Variants in SGCD observed in about 807,000 individuals in gnomAD.
SGCD encodes the protein sarcoglycan delta, also known as delta-sarcoglycan.
Under a neutral mutation model 36.6 loss-of-function variants are expected in SGCD, and 18 were observed. The ratio of observed to expected loss-of-function variants is 0.49; its 90% CI spans 0.34 to 0.73. The LOEUF is 0.73. Ranked by LOEUF, SGCD falls within the 30% of genes least tolerant of loss-of-function variation. SGCD has a pLI of 0.01. For synonymous variants in SGCD, 133 were observed against 130.6 expected (o/e 1.02, Z -0.12); for missense variants, 387 against 346.7 (o/e 1.12, Z -0.92).
At chr5:156,344,166 G>A (rs1768818803) in intron 2 of SGCD, among the ~76,000 whole-genome samples, 1 of 152,064 alleles carries the variant, frequency 6.6e-6, no homozygotes, top group African/African-American at 2.4e-5. Context: ...AGATCTTTGA[G>A]CATCTCCCCC....
At chr5:156,143,404 C>T (rs1762622200) in intron 3 of SGCD, among the ~76,000 whole-genome samples, 1 of 152,182 alleles carries the variant, frequency 6.6e-6, no homozygotes, top group Non-Finnish European at 1.5e-5. Context: ...TAGAGAGTCC[C>T]CACTGGGGCA....
intron 3 of SGCD, among the ~76,000 whole-genome samples, chr5:156,199,000 G>A (rs915988151): frequency 2.6e-5 from 4 of 151,932 alleles, no homozygotes; most frequent in Non-Finnish European, 4.4e-5. Context: ...CAGCTCAATG[G>A]TATTTGAATA....
At chr5:156,754,308 T>C (rs1437851193) in intron 7 of SGCD, among the ~76,000 whole-genome samples, 1 of 152,220 alleles carries the variant, frequency 6.6e-6, no homozygotes, top group Non-Finnish European at 1.5e-5. Flanking sequence ...TTCACCAAAC[T>C]ATTCTGTTTA....
intron 3 of SGCD, among the ~76,000 whole-genome samples, chr5:156,138,955 T>C (rs1039384979): frequency 2.0e-5 from 3 of 152,260 alleles, no homozygotes; most frequent in Non-Finnish European, 4.4e-5. Context: ...CTTTCAGTTG[T>C]ACTTATTGGC....
chr5:156,105,607 G>GT (rs1364551159), intron 1 of SGCD, among the ~76,000 whole-genome samples: 1 of 152,132 alleles, frequency 6.6e-6, no homozygotes, highest in Non-Finnish European at 1.5e-5. Context: ...ATGTAAATTT[G>GT]TTTTTTCATG....
intron 1 of SGCD, among the ~76,000 whole-genome samples, chr5:155,883,575 A>G (rs244982): frequency 0.55 from 82,943 of 151,784 alleles, 24,321 homozygotes; most frequent in African/African-American, 0.76. Flanking sequence ...ATTTATGGAT[A>G]CAGTTTGCCA....
chr5:156,314,028 A>G (rs1767452587), intron 3 of SGCD, among the ~76,000 whole-genome samples: 1 of 151,640 alleles, frequency 6.6e-6, no homozygotes, highest in Non-Finnish European at 1.5e-5. Context: ...AGAAATTGCA[A>G]TTCCATGATC....
chr5:156,552,852 G>T (rs186756483), intron 4 of SGCD, among the ~76,000 whole-genome samples: 46 of 152,184 alleles, frequency 3.0e-4, no homozygotes, highest in Admixed American at 2.6e-3. Flanking sequence ...CTTTAAACCC[G>T]TCCCAAATCT....
Position 155,949,505 on chromosome 5 carries a change from T to C in SGCD, c.-282+79081T>C, listed in dbSNP as rs533008583. Among the ~76,000 whole-genome samples, 9 of 152,340 alleles carry C rather than the reference T, an allele frequency of 5.9e-5. No individual in the cohort carries two copies. The East Asian group carries it at 1.7e-3, about 29-fold the overall frequency. On this transcript the variant is annotated intron_variant, in intron 1 of 9. Transcript: ENST00000517913. Reference sequence around the variant, plus strand: ...TCGTGAGATTAAGTAATTTGTTCGATGTTATGTAGCTAGTATATGTTGGAG... The same window carrying C: ...TCGTGAGATTAAGTAATTTGTTCGACGTTATGTAGCTAGTATATGTTGGAG...
the SGCD span, among the ~76,000 whole-genome samples, chr5:155,862,959 C>A: frequency 6.6e-6 from 1 of 152,126 alleles, no homozygotes; most frequent in African/African-American, 2.4e-5. Context: ...GAGAGAAAAT[C>A]CAGAGGGAAG....
intron 4 of SGCD, among the ~76,000 whole-genome samples, chr5:156,549,352 A>ATTGT (rs1758703054): frequency 6.6e-6 from 1 of 152,148 alleles, no homozygotes; most frequent in Non-Finnish European, 1.5e-5. Flanking sequence ...ATAGCCCTGG[A>ATTGT]TTGTATAAAT....
At chr5:156,378,338 G>A (rs1417377372) in intron 3 of SGCD, among the ~76,000 whole-genome samples, 1 of 152,172 alleles carries the variant, frequency 6.6e-6, no homozygotes, top group African/African-American at 2.4e-5. Flanking sequence ...GCCAAGGGGT[G>A]AGGGGACTGG....
At chr5:156,105,333 C>G (rs1561722975) in intron 1 of SGCD, among the ~76,000 whole-genome samples, 1 of 152,160 alleles carries the variant, frequency 6.6e-6, no homozygotes, top group Non-Finnish European at 1.5e-5. Context: ...AATATGTGTG[C>G]CCTCCTGTAT....
chr5:156,559,926 C>G (rs1759199893), intron 4 of SGCD, among the ~76,000 whole-genome samples: 2 of 152,110 alleles, frequency 1.3e-5, no homozygotes, highest in Admixed American at 1.3e-4. Flanking sequence ...TTTATCAACT[C>G]TAAGAAGTAA....
chr5:155,738,631 A>T, the SGCD span, among the ~76,000 whole-genome samples: 1 of 151,742 alleles, frequency 6.6e-6, no homozygotes, highest in African/African-American at 2.4e-5. Flanking sequence ...TGAGAGAGAG[A>T]GTCTGTGAGA....
chr5:156,155,146 C>G (rs1232422998), intron 3 of SGCD, among the ~76,000 whole-genome samples: 1 of 151,616 alleles, frequency 6.6e-6, no homozygotes, highest in African/African-American at 2.4e-5. Flanking sequence ...TCTTTATTCC[C>G]ACTTTTGTTA....
chr5:156,140,511 C>A (rs780535958), intron 3 of SGCD, among the ~76,000 whole-genome samples: 1 of 152,182 alleles, frequency 6.6e-6, no homozygotes, highest in Non-Finnish European at 1.5e-5. Flanking sequence ...TGGCAAAGAA[C>A]TGGCCGAGAT....
chr5:156,027,032 T>G (rs1759239183), intron 1 of SGCD, among the ~76,000 whole-genome samples: 1 of 152,228 alleles, frequency 6.6e-6, no homozygotes, highest in South Asian at 2.1e-4. Flanking sequence ...GTTAGCTTAA[T>G]CCACAATCCC....
At chr5:156,249,123 T>C (rs760552842) in intron 3 of SGCD, among the ~76,000 whole-genome samples, 19 of 152,164 alleles carry the variant, frequency 1.2e-4, no homozygotes, top group Non-Finnish European at 1.6e-4. Flanking sequence ...CATATGTGGA[T>C]AAGTAGAAAT....
Sources: allele counts gnomAD v4.1 joint callset (sites outside exome capture counted in the v4.1 genomes callset), GRCh38; gene constraint gnomAD v4.1.1; transcripts MANE v1.5; gene names NCBI Gene and HGNC (gene_info 2026-07-23, HGNC 2026-07-21).